HMGA2: variants seen among roughly 807,000 people sequenced by gnomAD.
HMGA2 encodes the protein high mobility group protein HMGI-C.
A neutral mutation model predicts 19.1 loss-of-function variants in HMGA2; 8 were observed. That is an observed-to-expected ratio of 0.42 (90% CI 0.25 to 0.76). The LOEUF is 0.76. Among genes scored for constraint, HMGA2 ranks in the 30% least tolerant of loss-of-function variants. The pLI, the probability that HMGA2 is intolerant of heterozygous loss-of-function variation, is 0.28. For synonymous variants in HMGA2, 60 were observed against 48.8 expected (o/e 1.23, Z -0.96); for missense variants, 109 against 136.3 (o/e 0.80, Z 1.00).
At chr12:65,932,272 T>C (rs1219486029) in intron 3 of HMGA2, among the ~76,000 whole-genome samples, 1 of 152,244 alleles carries the variant, frequency 6.6e-6, no homozygotes, top group African/African-American at 2.4e-5. Flanking sequence ...AATGTGGTTG[T>C]ATATGCAAAT....
chr12:65,916,920 C>A (rs1157825202), intron 3 of HMGA2, among the ~76,000 whole-genome samples: 1 of 152,152 alleles, frequency 6.6e-6, no homozygotes, highest in Non-Finnish European at 1.5e-5. Flanking sequence ...CCCGCAGAGG[C>A]ACCTTTGGGT....
At chr12:65,946,938 C>G (rs150493366) in intron 3 of HMGA2, among the ~76,000 whole-genome samples, 1 of 152,236 alleles carries the variant, frequency 6.6e-6, no homozygotes, top group Admixed American at 6.5e-5. Flanking sequence ...GTACCCTAAG[C>G]TATTTGTATA....
intron 3 of HMGA2, among the ~76,000 whole-genome samples, chr12:65,868,473 T>G (rs1477696325): frequency 1.3e-5 from 2 of 152,068 alleles, no homozygotes; most frequent in Non-Finnish European, 2.9e-5. Flanking sequence ...GTCAGATTAC[T>G]CTCCGGGCTT....
At chr12:65,907,024 G>A (rs1339692182) in intron 3 of HMGA2, among the ~76,000 whole-genome samples, 1 of 152,102 alleles carries the variant, frequency 6.6e-6, no homozygotes, top group South Asian at 2.1e-4. Context: ...TGCAAGGCTA[G>A]CATTTGACTC....
intron 1 of HMGA2, chr12:65,826,961 T>C (rs956335849): frequency 6.6e-5 from 10 of 152,216 alleles, no homozygotes; most frequent in Non-Finnish European, 1.5e-4. Context: ...TCCCGAATTC[T>C]CTAAATGGGA....
intron 3 of HMGA2, chr12:65,915,029 A>C: frequency 6.2e-7 from 1 of 1,612,936 alleles, no homozygotes. Flanking sequence ...TATTCATGCC[A>C]TATGCCCCAT....
chr12:65,915,141 G>T (rs1875034249), intron 3 of HMGA2: 1 of 1,613,318 alleles, frequency 6.2e-7, no homozygotes, highest in South Asian at 1.1e-5. Context: ...ATTGTCATTG[G>T]AGGAGTCCAG....
At chr12:65,843,497 G>T (rs769502774) in intron 3 of HMGA2, 8 of 190,058 alleles carry the variant, frequency 4.2e-5, no homozygotes, top group Non-Finnish European at 8.8e-5. Flanking sequence ...AGGGAGAACT[G>T]AATCAAAATA....
At chr12:65,865,093 G>T (rs1472640150) in intron 3 of HMGA2, among the ~76,000 whole-genome samples, 1 of 152,098 alleles carries the variant, frequency 6.6e-6, no homozygotes, top group Non-Finnish European at 1.5e-5. Flanking sequence ...TCTACTTAAT[G>T]AGTAGTGAAC....
chr12:65,921,278 G>C (rs1204234742), intron 3 of HMGA2, among the ~76,000 whole-genome samples: 1 of 152,092 alleles, frequency 6.6e-6, no homozygotes, highest in African/African-American at 2.4e-5. Flanking sequence ...TTTGTTTTTT[G>C]AGACGGAGTC....
chr12:65,853,657 C>A (rs545593137), intron 3 of HMGA2, among the ~76,000 whole-genome samples: 1 of 152,088 alleles, frequency 6.6e-6, no homozygotes, highest in South Asian at 2.1e-4. Flanking sequence ...TGATTCTGAG[C>A]GGGCAGAGTG....
At chr12:65,879,148 GAC>G (rs1321817717) in intron 3 of HMGA2, among the ~76,000 whole-genome samples, 1 of 152,166 alleles carries the variant, frequency 6.6e-6, no homozygotes, top group Non-Finnish European at 1.5e-5. Context: ...TTATTTTTGA[GAC>G]AGTGTCTAGC....
intron 2 of HMGA2, among the ~76,000 whole-genome samples, chr12:65,836,747 A>T (rs2120865206): frequency 6.6e-6 from 1 of 152,312 alleles, no homozygotes; most frequent in South Asian, 2.1e-4. Context: ...ACAACAAATG[A>T]TTCCTTTGTG....
chr12:65,847,739 T>G (rs1223801438), intron 3 of HMGA2, among the ~76,000 whole-genome samples: 1 of 152,204 alleles, frequency 6.6e-6, no homozygotes, highest in Admixed American at 6.5e-5. Context: ...CAAAAAAACT[T>G]TATTCAGCAT....
At chr12:65,879,292 A>AAT (rs1555184079) in intron 3 of HMGA2, among the ~76,000 whole-genome samples, 11,134 of 103,898 alleles carry the variant, frequency 0.11, 469 homozygotes, top group Middle Eastern at 0.21. Context: ...CATACCAGCT[A>AAT]TTTTTTTTTT....
chr12:65,892,583 A>C (rs1165901736), intron 3 of HMGA2, among the ~76,000 whole-genome samples: 1 of 152,114 alleles, frequency 6.6e-6, no homozygotes, highest in African/African-American at 2.4e-5. Flanking sequence ...ATCGCTTTTA[A>C]GTATCCTGGT....
chr12:65,906,103 G>A (rs564708471), intron 3 of HMGA2, among the ~76,000 whole-genome samples: 1 of 152,222 alleles, frequency 6.6e-6, no homozygotes, highest in Non-Finnish European at 1.5e-5. Context: ...CTTAGTTGCT[G>A]TTCCATATGT....
At chr12:65,852,657 AT>A (rs1234899288) in intron 3 of HMGA2, among the ~76,000 whole-genome samples, 1 of 152,064 alleles carries the variant, frequency 6.6e-6, no homozygotes, top group Admixed American at 6.5e-5. Flanking sequence ...CTCTTTTTCC[AT>A]TTCCATCTGC....
At chr12:65,867,242 A>G (rs780817626) in intron 3 of HMGA2, among the ~76,000 whole-genome samples, 7 of 152,172 alleles carry the variant, frequency 4.6e-5, no homozygotes, top group African/African-American at 1.7e-4. Flanking sequence ...TGTTTTTGCA[A>G]TGAGCAGAAA....
Sources: allele counts gnomAD v4.1 joint callset (sites outside exome capture counted in the v4.1 genomes callset), GRCh38; gene constraint gnomAD v4.1.1; transcripts MANE v1.5; gene names NCBI Gene and HGNC (gene_info 2026-07-23, HGNC 2026-07-21).